LPAR3: variants seen among roughly 807,000 people sequenced by gnomAD.
LPAR3 encodes lysophosphatidic acid receptor 3, also known as LPA receptor 3.
LPAR3 carries 7 observed loss-of-function variants against 17.8 expected under a neutral mutation model. The observed-to-expected ratio is 0.39, with a 90% CI of 0.22 to 0.74. LPAR3 has a LOEUF of 0.74. Among genes scored for constraint, LPAR3 ranks in the 30% least tolerant of loss-of-function variants. The pLI, the probability that LPAR3 is intolerant of heterozygous loss-of-function variation, is 0.40. For missense variants in LPAR3, 391 were observed against 453.4 expected (o/e 0.86, Z 1.25); for synonymous variants, 179 against 179.9 (o/e 0.99, Z 0.04).
rs905219368 is a variant in LPAR3 at position 84,812,139 on chromosome 1, C to T, written c.*1707G>A. 6.6e-6 allele frequency: 1 copy of T among 152,140 alleles called. No homozygotes were observed. Among genetic ancestry groups the T allele is most frequent in the Non-Finnish European group, 1.5e-5 (1 of 68,036 alleles). The allele number at this position is 152,140 out of a possible 1,614,324, so 9.4% of individuals were successfully genotyped here. On this transcript the variant is annotated 3_prime_UTR_variant, in exon 3 of 3. Transcript: ENST00000370611. ...ATGCCACCAGTTGGTATGGAGGTAA[C>T]TGAAGATAAGGACTGGGGTCAAGCT...
At chr1:84,858,821 A>G (rs1659879137) in intron 2 of LPAR3, among the ~76,000 whole-genome samples, 1 of 152,222 alleles carries the variant, frequency 6.6e-6, no homozygotes, top group South Asian at 2.1e-4. Flanking sequence ...CATGTAAACA[A>G]TTAAGTACGT....
rs565253011 is a variant in LPAR3 at position 84,830,081 on chromosome 1, G to A, written c.737-15910C>T. Among the ~76,000 whole-genome samples the A allele has an allele frequency of 1.3e-4, 20 of 152,272 alleles. No individual in the cohort carries two copies. In the South Asian group the frequency reaches 2.9e-3, roughly 22 times the overall value. The stretch of plus-strand genomic sequence containing the variant: ...ACATCTCAGAAGAAAGAATGTCACC[G>A]GAGCCAGGGATGTCTAGAAGGACCC... On this transcript the variant is annotated intron_variant, in intron 2 of 2. Coordinates refer to ENST00000370611, the MANE Select transcript of LPAR3 (RefSeq NM_012152.3).
chr1:84,872,456 T>C (rs1216745757), intron 1 of LPAR3, among the ~76,000 whole-genome samples: 1 of 152,104 alleles, frequency 6.6e-6, no homozygotes, highest in Non-Finnish European at 1.5e-5. Flanking sequence ...TCTCTATTAG[T>C]ATGAACACCA....
At chr1:84,883,218 G>A (rs534241554) in intron 1 of LPAR3, among the ~76,000 whole-genome samples, 73 of 152,172 alleles carry the variant, frequency 4.8e-4, no homozygotes, top group Non-Finnish European at 8.4e-4. Context: ...TGAGCTCCAC[G>A]GTGAGCTTGT....
intron 1 of LPAR3, among the ~76,000 whole-genome samples, chr1:84,867,665 T>C (rs1305613705): frequency 6.6e-6 from 1 of 152,004 alleles, no homozygotes; most frequent in Non-Finnish European, 1.5e-5. Flanking sequence ...CTGGGAGTAG[T>C]CTCAAGAGAC....
intron 2 of LPAR3, among the ~76,000 whole-genome samples, chr1:84,816,391 T>C (rs1272082463): frequency 6.6e-6 from 1 of 152,192 alleles, no homozygotes; most frequent in Non-Finnish European, 1.5e-5. Flanking sequence ...AGCCTGATCT[T>C]TCATTCATAG....
chr1:84,873,653 T>A (rs943227579), intron 1 of LPAR3, among the ~76,000 whole-genome samples: 2 of 152,248 alleles, frequency 1.3e-5, no homozygotes, highest in Non-Finnish European at 1.5e-5. Flanking sequence ...ATCTTCATAC[T>A]CTAGATCATT....
rs10610638 is a variant in LPAR3 at position 84,813,160 on chromosome 1, G to GACACAC, written c.*680_*685dup. The GACACAC allele has an allele frequency of 2.0e-5, 2 of 99,526 alleles. No homozygotes were observed. Among genetic ancestry groups the GACACAC allele is most frequent in the Admixed American group, 1.1e-4 (1 of 9,460 alleles). The allele number at this position is 99,526 out of a possible 1,614,324, so 6.2% of individuals were successfully genotyped here. A position where few individuals can be genotyped will look rare whatever the true frequency, so the allele number is the denominator to read the frequency against. On this transcript the variant is annotated 3_prime_UTR_variant, in exon 3 of 3. Coordinates refer to ENST00000370611, the MANE Select transcript of LPAR3 (RefSeq NM_012152.3). ...ATATATATATATATATATATATATA[G>GACACAC]ACACACACACACACACACACACACA...
intron 1 of LPAR3, among the ~76,000 whole-genome samples, chr1:84,868,420 T>C (rs182974073): frequency 6.6e-6 from 1 of 152,326 alleles, no homozygotes; most frequent in East Asian, 1.9e-4. Context: ...TGAGAGATCA[T>C]ATTTTTAATT....
intron 1 of LPAR3, among the ~76,000 whole-genome samples, chr1:84,881,632 G>A (rs189764917): frequency 1.3e-5 from 2 of 152,266 alleles, no homozygotes; most frequent in Non-Finnish European, 2.9e-5. Context: ...TACAGTCCAA[G>A]AAAGAATGTC....
At chr1:84,866,241 A>G (rs754795119) in intron 1 of LPAR3, 103 bp from the exon 2 acceptor site, 1 of 845,082 alleles carries the variant, frequency 1.2e-6, no homozygotes, top group Non-Finnish European at 1.9e-6. Flanking sequence ...CCATCAAGGG[A>G]GTTGAAGACC....
intron 2 of LPAR3, among the ~76,000 whole-genome samples, chr1:84,830,875 A>G (rs866736049): frequency 3.3e-5 from 5 of 152,192 alleles, no homozygotes; most frequent in East Asian, 1.9e-4. Flanking sequence ...GCGAGGCTAC[A>G]GCACCACAGG....
chr1:84,868,769 C>T (rs1182946809), intron 1 of LPAR3, among the ~76,000 whole-genome samples: 1 of 152,136 alleles, frequency 6.6e-6, no homozygotes, highest in African/African-American at 2.4e-5. Flanking sequence ...AGAGACCAGG[C>T]CCTCACCAGA....
At chr1:84,877,567 C>T (rs1660282387) in intron 1 of LPAR3, among the ~76,000 whole-genome samples, 1 of 152,198 alleles carries the variant, frequency 6.6e-6, no homozygotes, top group African/African-American at 2.4e-5. Context: ...TTCACCTACT[C>T]CTCCCAATCT....
chr1:84,852,606 G>A (rs945815925), intron 2 of LPAR3, among the ~76,000 whole-genome samples: 3 of 152,154 alleles, frequency 2.0e-5, no homozygotes, highest in Non-Finnish European at 2.9e-5. Flanking sequence ...CTCCTGAAAG[G>A]CTGAGGATGG....
At chr1:84,881,531 T>C (rs1441018948) in intron 1 of LPAR3, among the ~76,000 whole-genome samples, 1 of 152,214 alleles carries the variant, frequency 6.6e-6, no homozygotes, top group African/African-American at 2.4e-5. Context: ...AACATACAAC[T>C]GGCATTCTGG....
rs56060437 is a variant in LPAR3 at position 84,848,863 on chromosome 1, C to G, written c.736+16522G>C. Reference sequence around the variant, plus strand: ...TCACAGAGGGATGTCTAAGCAGTCACGCAGATCCTAGGAACTCTGCTACAT... The same window carrying G: ...TCACAGAGGGATGTCTAAGCAGTCAGGCAGATCCTAGGAACTCTGCTACAT... On this transcript the variant is annotated intron_variant, in intron 2 of 2. Coordinates refer to ENST00000370611, the MANE Select transcript of LPAR3 (RefSeq NM_012152.3). Among the ~76,000 whole-genome samples, 184 of 152,238 alleles carry G rather than the reference C, an allele frequency of 1.2e-3. 4 individuals carry two copies. In the East Asian group the frequency reaches 0.033, roughly 27 times the overall value.
At position 84,871,858 on chromosome 1, in the gene LPAR3, A is replaced by G. The variant is rs556329673; in HGVS notation, c.-18-5720T>C. On this transcript the variant is annotated intron_variant, in intron 1 of 2. Transcript: ENST00000370611. ...TCATTTCTCTACCTCATTCCTGCTC[A>G]AATTCATTTCCTCAGAGATCCTTTC... Among the ~76,000 whole-genome samples, 10 of 152,174 alleles carry G rather than the reference A, an allele frequency of 6.6e-5. No homozygotes were observed. The South Asian group carries it at 1.5e-3, about 22-fold the overall frequency.
Position 84,885,568 on chromosome 1 carries a change from A to G in LPAR3, c.-19+7448T>C, listed in dbSNP as rs559687932. On this transcript the variant is annotated intron_variant, in intron 1 of 2. Transcript: ENST00000370611. ...TTCCCTTCTCTTTTCTTCCTTCCCCAGAACACAGCAATCAGCATGTAGCTG... is the reference window on the plus strand; with the variant it reads ...TTCCCTTCTCTTTTCTTCCTTCCCCGGAACACAGCAATCAGCATGTAGCTG... 1.3e-4 allele frequency among the ~76,000 whole-genome samples: 20 copies of G among 152,238 alleles called. No individual in the cohort carries two copies. In the East Asian group the frequency reaches 3.5e-3, roughly 26 times the overall value.
Sources: gnomAD v4.1 joint callset for allele counts (sites outside exome capture counted in the v4.1 genomes callset) on GRCh38, gnomAD v4.1.1 for gene constraint, MANE v1.5 for transcripts, NCBI Gene and HGNC (gene_info 2026-07-23, HGNC 2026-07-21) for gene names.